The following COL24A1 variants were observed in gnomAD, a reference collection of about 807,000 sequenced individuals.
COL24A1 encodes collagen type XXIV alpha 1 chain.
Under a neutral mutation model 253.9 loss-of-function variants are expected in COL24A1, and 224 were observed. That is an observed-to-expected ratio of 0.88 (90% CI 0.79 to 0.99). COL24A1 has a LOEUF of 0.99. COL24A1 is among the 50% of genes least tolerant of loss of function. COL24A1 has a pLI of 0.00. For synonymous variants in COL24A1, 685 were observed against 673.7 expected (o/e 1.02, Z -0.26); for missense variants, 2,131 against 2,068.5 (o/e 1.03, Z -0.59).
intron 24 of COL24A1, among the ~76,000 whole-genome samples, chr1:85,958,677 T>C (rs962497709): frequency 6.6e-6 from 1 of 152,120 alleles, no homozygotes; most frequent in African/African-American, 2.4e-5. Context: ...CTAATATTGG[T>C]CTTTTGGCCA....
intron 57 of COL24A1, among the ~76,000 whole-genome samples, chr1:85,740,120 C>T (rs1215147655): frequency 6.6e-6 from 1 of 152,150 alleles, no homozygotes; most frequent in East Asian, 1.9e-4. Context: ...TCTTATAAAT[C>T]CCCAATCCTA....
At chr1:85,832,730 C>T (rs1675467112) in intron 43 of COL24A1, among the ~76,000 whole-genome samples, 1 of 151,318 alleles carries the variant, frequency 6.6e-6, no homozygotes, top group South Asian at 2.1e-4. Context: ...CTCTGTTTGT[C>T]TGTTATTGTT....
At chr1:86,041,530 T>G (rs1699483323) in intron 12 of COL24A1, among the ~76,000 whole-genome samples, 1 of 152,094 alleles carries the variant, frequency 6.6e-6, no homozygotes, top group Non-Finnish European at 1.5e-5. Flanking sequence ...AACTATAGAA[T>G]TTCCTGATTG....
chr1:85,776,425 C>G (rs1668549247), intron 52 of COL24A1, among the ~76,000 whole-genome samples: 2 of 152,052 alleles, frequency 1.3e-5, no homozygotes, highest in Non-Finnish European at 2.9e-5. Context: ...CTGGGTGGAC[C>G]TACTGCTTTT....
chr1:85,803,223 G>A (rs1426171649), intron 47 of COL24A1, among the ~76,000 whole-genome samples: 2 of 152,060 alleles, frequency 1.3e-5, no homozygotes, highest in Non-Finnish European at 2.9e-5. Flanking sequence ...GCTGAGATGG[G>A]TGGATCACCA....
chr1:86,120,835 A>G (rs61802240), intron 3 of COL24A1, among the ~76,000 whole-genome samples: 26,530 of 152,064 alleles, frequency 0.17, 2,433 homozygotes, highest in South Asian at 0.27. Flanking sequence ...ATAAAGACAC[A>G]TGCACATGTA....
chr1:85,961,526 A>T (rs1691063488), intron 23 of COL24A1, among the ~76,000 whole-genome samples: 1 of 152,144 alleles, frequency 6.6e-6, no homozygotes, highest in African/African-American at 2.4e-5. Flanking sequence ...TAAAATAAAA[A>T]TTTTTAAAAA....
At chr1:86,063,359 C>CTCTGTGTG (rs1553121396) in intron 8 of COL24A1, among the ~76,000 whole-genome samples, 329 of 117,574 alleles carry the variant, frequency 2.8e-3, no homozygotes, top group African/African-American at 0.01. Flanking sequence ...GTCTCTCTCT[C>CTCTGTGTG]TGTGTGTGTG....
In COL24A1 at chr1:85,744,750, T is replaced by A. The variant is rs1665024531; in HGVS notation, c.4588A>T (p.Ser1530Cys). The A allele has an allele frequency of 6.2e-7, 1 of 1,609,236 alleles. No homozygotes were observed. Among genetic ancestry groups the A allele is most frequent in the Non-Finnish European group, 8.5e-7 (1 of 1,178,540 alleles). ...CGTGTGCCAAGAGGATTCTTGATGCTGTGCAATAAATTGCTAAGGTAGTTC... is the reference window on the plus strand; with the variant it reads ...CGTGTGCCAAGAGGATTCTTGATGCAGTGCAATAAATTGCTAAGGTAGTTC... ...TLNYLSNLLH[S>C]IKNPLGTRDN... Residue 1530 changes from serine to cysteine, a missense_variant, in exon 57 of 60, where the codon AGC becomes TGC. Transcript: ENST00000370571.
At chr1:85,848,766 T>G (rs1161507296) in intron 38 of COL24A1, among the ~76,000 whole-genome samples, 2 of 152,208 alleles carry the variant, frequency 1.3e-5, no homozygotes, top group Non-Finnish European at 2.9e-5. Context: ...AGGAAATTTT[T>G]GGGATTCATA....
intron 5 of COL24A1, among the ~76,000 whole-genome samples, chr1:86,107,506 GTAAT>G (rs1371118669): frequency 6.9e-6 from 1 of 144,518 alleles, no homozygotes; most frequent in Non-Finnish European, 1.5e-5. Context: ...TGACACAATG[GTAAT>G]TTATTTATTT....
intron 45 of COL24A1, among the ~76,000 whole-genome samples, chr1:85,819,995 G>A (rs1673453115): frequency 6.6e-6 from 1 of 151,950 alleles, no homozygotes; most frequent in African/African-American, 2.4e-5. Flanking sequence ...TCACAGGCAT[G>A]CACCACCACA....
chr1:86,042,534 T>C (rs565382799), intron 12 of COL24A1, among the ~76,000 whole-genome samples: 2 of 152,310 alleles, frequency 1.3e-5, no homozygotes, highest in Admixed American at 1.3e-4. Flanking sequence ...AATAATTTTC[T>C]CTTTTTAAAA....
chr1:85,896,501 A>AT (rs35593147), intron 28 of COL24A1, 92 bp from the exon 29 acceptor site: 181,952 of 879,418 alleles, frequency 0.21, 4,985 homozygotes, highest in Non-Finnish European at 0.23. Flanking sequence ...CATGTTGATG[A>AT]TTTTTTTTTT....
chr1:86,031,373 C>T (rs191449432), intron 14 of COL24A1, among the ~76,000 whole-genome samples: 1 of 151,630 alleles, frequency 6.6e-6, no homozygotes, highest in Non-Finnish European at 1.5e-5. Context: ...TCACAGATTT[C>T]AAAATAAAAG....
In COL24A1 at chr1:85,943,187, T is replaced by TA. The variant is rs1688917770; in HGVS notation, c.2562+18061dup. Among the ~76,000 whole-genome samples, 3 of 152,344 alleles carry TA rather than the reference T, an allele frequency of 2.0e-5. No individual in the cohort carries two copies. The South Asian group carries it at 6.2e-4, about 32-fold the overall frequency. ...ATGCCAGCTTTTGGACTCCAGGACTTACACCAGTACCCGCTATGTCCTGTG... is the reference window on the plus strand; with the variant it reads ...ATGCCAGCTTTTGGACTCCAGGACTTAACACCAGTACCCGCTATGTCCTGTG... On this transcript the variant is annotated intron_variant, in intron 24 of 59. Transcript: ENST00000370571.
intron 24 of COL24A1, among the ~76,000 whole-genome samples, chr1:85,951,428 A>G (rs1376276260): frequency 6.6e-6 from 1 of 152,138 alleles, no homozygotes; most frequent in Non-Finnish European, 1.5e-5. Flanking sequence ...GTGGACAATG[A>G]GGGTGGGAAA....
At chr1:85,888,207 T>A (rs1682731836) in intron 32 of COL24A1, among the ~76,000 whole-genome samples, 1 of 152,114 alleles carries the variant, frequency 6.6e-6, no homozygotes, top group Non-Finnish European at 1.5e-5. Context: ...CCATTTTTTA[T>A]CTGGATTATT....
At chr1:85,858,498 C>G (rs555162276) in intron 37 of COL24A1, among the ~76,000 whole-genome samples, 3 of 152,244 alleles carry the variant, frequency 2.0e-5, no homozygotes, top group East Asian at 3.9e-4. Context: ...AGGTGGCTTT[C>G]TCTATGCTTA....
Sources: allele counts gnomAD v4.1 joint callset (sites outside exome capture counted in the v4.1 genomes callset), GRCh38; gene constraint gnomAD v4.1.1; transcripts MANE v1.5; gene names NCBI Gene and HGNC (gene_info 2026-07-23, HGNC 2026-07-21).